The following SMYD2 variants were observed in gnomAD, a reference collection of about 807,000 sequenced individuals.
The protein encoded by SMYD2 is SET and MYND domain containing 2, also known as N-lysine methyltransferase SMYD2.
SMYD2 carries 53 observed loss-of-function variants against 59.1 expected under a neutral mutation model. The observed-to-expected ratio is 0.90, with a 90% CI of 0.72 to 1.13. SMYD2 has a LOEUF of 1.13. Ranked by LOEUF, SMYD2 falls within the 50% of genes most tolerant of loss-of-function variation. The pLI is 0.00. For synonymous variants in SMYD2, 208 were observed against 198.8 expected, an observed-to-expected ratio of 1.05 and a Z score of -0.39; for missense variants, 494 against 544.7, an observed-to-expected ratio of 0.91 and a Z score of 0.93.
At chr1:214,304,928 G>A (rs1656893238) in intron 1 of SMYD2, among the ~76,000 whole-genome samples, 1 of 152,192 alleles carries the variant, frequency 6.6e-6, no homozygotes, top group Admixed American at 6.5e-5. Context: ...CAGAGCTGTT[G>A]TCCCTCATCT....
In SMYD2 at chr1:214,314,836, G is replaced by T; in HGVS notation, c.312G>T (p.Glu104Asp). The change falls in exon 3 of 12, where the codon GAG (glutamate) becomes GAT (aspartate). Residue 104 changes from glutamate to aspartate, a missense_variant. Glu to Asp is a conservative substitution (Grantham distance 45). Coordinates refer to ENST00000366957, the MANE Select transcript of SMYD2 (RefSeq NM_020197.3). ...VVFGENWNPS[E>D]TVRLTARILA... ...TTGGGGAAAACTGGAATCCCTCGGA[G>T]ACTGTAAGACTAACAGCAAGGATTC... 6.2e-7 allele frequency: 1 copy of T among 1,614,160 alleles called. No individual in the cohort carries two copies. The highest frequency in any genetic ancestry group is 8.5e-7 in the Non-Finnish European group (1 of 1,179,998).
intron 1 of SMYD2, among the ~76,000 whole-genome samples, chr1:214,285,569 A>T (rs960564870): frequency 1.3e-5 from 2 of 152,248 alleles, no homozygotes; most frequent in Non-Finnish European, 2.9e-5. Flanking sequence ...AGGTGGTAAG[A>T]CTAAAACATA....
intron 1 of SMYD2, among the ~76,000 whole-genome samples, chr1:214,303,991 C>T (rs1353617219): frequency 6.6e-6 from 1 of 152,210 alleles, no homozygotes; most frequent in Non-Finnish European, 1.5e-5. Flanking sequence ...TTGTTCCCCA[C>T]TTGGGAAAAA....
intron 11 of SMYD2, among the ~76,000 whole-genome samples, chr1:214,336,161 C>A (rs1272076531): frequency 2.0e-5 from 1 of 49,702 alleles, no homozygotes; most frequent in African/African-American, 2.2e-4. Flanking sequence ...GTTTCTCCAG[C>A]TGGATATTTT....
intron 5 of SMYD2, 122 bp downstream of exon 5, chr1:214,319,105 C>T: frequency 7.5e-7 from 1 of 1,328,558 alleles, no homozygotes; most frequent in Non-Finnish European, 1.0e-6. Context: ...GACAACGAAG[C>T]TCTGAGCCAA....
At position 214,312,442 on chromosome 1, in the gene SMYD2, A is replaced by C. The variant is rs1285835899; in HGVS notation, c.238-2320A>C. 1.3e-5 allele frequency among the ~76,000 whole-genome samples: 2 copies of C among 152,226 alleles called. No homozygotes were observed. Among genetic ancestry groups the C allele is most frequent in the Admixed American group, 1.3e-4 (2 of 15,288 alleles). ...ATACTAAACCAAACAACTAATAAATATATAATATGCTCAGGTGGTGAGAAG... is the reference window on the plus strand; with the variant it reads ...ATACTAAACCAAACAACTAATAAATCTATAATATGCTCAGGTGGTGAGAAG... On this transcript the variant is annotated intron_variant, in intron 2 of 11. Transcript: ENST00000366957. This position sits in a 1 kb window ranked among gnomAD's most constrained non-coding sequence, Gnocchi z 4.1.
At chr1:214,334,084 C>T (rs113600849) in intron 10 of SMYD2, 116 bp from the exon 11 acceptor site, 5 of 831,318 alleles carry the variant, frequency 6.0e-6, no homozygotes, top group African/African-American at 3.4e-5. Context: ...TTGGAGAGGC[C>T]GCTGGTGGGC....
chr1:214,332,066 GCT>G lies in SMYD2; in HGVS notation c.989_990del (p.Ser330CysfsTer3). ...TGCGAGCTCAGCCAGGAGAAGATGAGCTCTGTGTTTGAGGACAGTAACGTGTA... is the reference window on the plus strand; with the variant it reads ...TGCGAGCTCAGCCAGGAGAAGATGAGCTGTGTTTGAGGACAGTAACGTGTA... On this transcript the variant is annotated frameshift_variant, in exon 10 of 12. Transcript: ENST00000366957. LOFTEE classifies it high-confidence loss of function. 2 of 1,614,024 alleles carry G rather than the reference GCT, an allele frequency of 1.2e-6. No individual in the cohort carries two copies. The highest frequency in any genetic ancestry group is 1.7e-6 in the Non-Finnish European group (2 of 1,180,020).
intron 3 of SMYD2, among the ~76,000 whole-genome samples, chr1:214,316,304 CT>C (rs1308825802): frequency 1.3e-5 from 2 of 152,030 alleles, no homozygotes; most frequent in Non-Finnish European, 2.9e-5. Flanking sequence ...GACCCATTCT[CT>C]ATAATAAATT....
intron 6 of SMYD2, among the ~76,000 whole-genome samples, chr1:214,325,682 A>T (rs903914471): frequency 6.6e-6 from 1 of 152,094 alleles, no homozygotes; most frequent in African/African-American, 2.4e-5. Context: ...TACTTGAACC[A>T]GAGAGACTAA....
chr1:214,316,773 G>T (rs909491377), intron 3 of SMYD2, among the ~76,000 whole-genome samples: 2 of 152,132 alleles, frequency 1.3e-5, no homozygotes, highest in African/African-American at 4.8e-5. Flanking sequence ...GCCATTCATG[G>T]GTTGCCTGTA....
Position 214,321,758 on chromosome 1 carries a change from A to G in SMYD2, c.534+2775A>G, listed in dbSNP as rs556367722. 2.0e-5 allele frequency among the ~76,000 whole-genome samples: 3 copies of G among 152,342 alleles called. No homozygotes were observed. In the South Asian group the frequency reaches 6.2e-4, roughly 32 times the overall value. The stretch of plus-strand genomic sequence containing the variant: ...TGCTAATTATGAGAATAGCTTTTGC[A>G]AGGTTCTTACACCTGATTTGACTTC... On this transcript the variant is annotated intron_variant, in intron 5 of 11. Transcript: ENST00000366957.
At chr1:214,294,191 T>C (rs1470373767) in intron 1 of SMYD2, among the ~76,000 whole-genome samples, 1 of 152,198 alleles carries the variant, frequency 6.6e-6, no homozygotes, top group African/African-American at 2.4e-5. Flanking sequence ...AAGAAAAATG[T>C]CTGCTAAATC....
rs374916310 is a variant in SMYD2, at chr1:214,314,616, C to G, written c.238-146C>G. ...CCTATCTTAAAGGATGTTTTTATCT[C>G]TAGCTTTTGTGAGCATCCTCGTGTT... On this transcript the variant is annotated intron_variant, in intron 2 of 11. Coordinates refer to ENST00000366957, the MANE Select transcript of SMYD2 (RefSeq NM_020197.3). 7 of 629,284 alleles carry G rather than the reference C, an allele frequency of 1.1e-5. No individual in the cohort carries two copies. The East Asian group carries it at 1.7e-4, about 15-fold the overall frequency. The allele number at this position is 629,284 out of a possible 1,614,324, so 39.0% of individuals were successfully genotyped here.
At chr1:214,334,145 G>T in intron 10 of SMYD2, 55 bp from the exon 11 acceptor site, 1 of 1,518,648 alleles carries the variant, frequency 6.6e-7, no homozygotes, top group South Asian at 1.1e-5. Context: ...CCCAGCCTGT[G>T]GGGCGGCTCA....
In SMYD2 at chr1:214,334,906, C is replaced by T. The variant is rs1380983497; in HGVS notation, c.1221+598C>T. ...AGGGTCTAAATTGAAAGCTTCGGCT[C>T]CTCCCACTCAAGCTGTGATGAAACT... On this transcript the variant is annotated intron_variant, in intron 11 of 11. Coordinates refer to ENST00000366957, the MANE Select transcript of SMYD2 (RefSeq NM_020197.3). 2.6e-5 allele frequency among the ~76,000 whole-genome samples: 4 copies of T among 152,176 alleles called. No individual in the cohort carries two copies. In the East Asian group the frequency reaches 7.7e-4, roughly 29 times the overall value.
At chr1:214,305,395 G>A (rs1010355168) in intron 2 of SMYD2, 145 bp downstream of exon 2, 38 of 772,612 alleles carry the variant, frequency 4.9e-5, no homozygotes, top group Admixed American at 2.9e-4. Context: ...TGCTGACCCC[G>A]ACCTCACAGG....
intron 8 of SMYD2, 38 bp downstream of exon 8, chr1:214,330,316 C>CT: frequency 4.3e-6 from 6 of 1,400,482 alleles, no homozygotes; most frequent in Non-Finnish European, 6.0e-6. Flanking sequence ...TGACTGCACT[C>CT]TGATCTCAGG....
intron 1 of SMYD2, among the ~76,000 whole-genome samples, chr1:214,298,440 CTG>C (rs1388446545): frequency 6.6e-6 from 1 of 152,160 alleles, no homozygotes; most frequent in African/African-American, 2.4e-5. Flanking sequence ...AGACCTCAAA[CTG>C]TAAAAATCCT....
Sources: allele counts gnomAD v4.1 joint callset (sites outside exome capture counted in the v4.1 genomes callset), GRCh38; gene constraint gnomAD v4.1.1; non-coding constraint Gnocchi (gnomAD v3.1); transcripts MANE v1.5; gene names NCBI Gene and HGNC (gene_info 2026-07-23, HGNC 2026-07-21).